The following SMYD3 variants were observed in gnomAD, a reference collection of about 807,000 sequenced individuals.
SMYD3 encodes the protein SET and MYND domain containing 3, also known as histone-lysine N-methyltransferase SMYD3.
SMYD3 carries 36 observed loss-of-function variants against 57.7 expected under a neutral mutation model. The ratio of observed to expected loss-of-function variants is 0.62; its 90% CI spans 0.48 to 0.82. The LOEUF (loss-of-function observed/expected upper bound fraction) is 0.82. Ranked by LOEUF, SMYD3 falls within the 40% of genes least tolerant of loss-of-function variation. SMYD3 has a pLI of 0.00. For missense variants in SMYD3, 515 were observed against 538.8 expected, an observed-to-expected ratio of 0.96 and a Z score of 0.44; for synonymous variants, 211 against 195.0, an observed-to-expected ratio of 1.08 and a Z score of -0.68.
intron 5 of SMYD3, among the ~76,000 whole-genome samples, chr1:246,225,853 T>C (rs1446543882): frequency 5.3e-5 from 8 of 152,188 alleles, no homozygotes; most frequent in African/African-American, 1.7e-4. Context: ...AATAGTAGCA[T>C]TCGGTAAATA....
chr1:246,485,300 C>T (rs2068169503), intron 1 of SMYD3, among the ~76,000 whole-genome samples: 1 of 152,326 alleles, frequency 6.6e-6, no homozygotes, highest in East Asian at 1.9e-4. Flanking sequence ...AAACATATCA[C>T]TTCAACCAAA....
chr1:245,904,679 A>C (rs1255746340), intron 8 of SMYD3, among the ~76,000 whole-genome samples: 1 of 152,102 alleles, frequency 6.6e-6, no homozygotes, highest in Non-Finnish European at 1.5e-5. Context: ...AACGACTGCA[A>C]CTCGTAGGCA....
At chr1:246,126,220 G>C (rs1276313870) in intron 5 of SMYD3, among the ~76,000 whole-genome samples, 1 of 152,154 alleles carries the variant, frequency 6.6e-6, no homozygotes, top group Non-Finnish European at 1.5e-5. Flanking sequence ...TCTCACTGGG[G>C]GTACTAGGGA....
intron 1 of SMYD3, among the ~76,000 whole-genome samples, chr1:246,370,045 G>A (rs138046479): frequency 2.6e-5 from 4 of 152,268 alleles, no homozygotes; most frequent in East Asian, 1.9e-4. Context: ...GTTAGAATCC[G>A]AGAGGCAGAC....
At chr1:245,765,049 C>T (rs1327730472) in intron 10 of SMYD3, among the ~76,000 whole-genome samples, 2 of 135,008 alleles carry the variant, frequency 1.5e-5, no homozygotes, top group South Asian at 2.2e-4. Flanking sequence ...AATGCCTACA[C>T]ACACACACAC....
At chr1:245,884,277 G>A (rs2052955839) in intron 8 of SMYD3, among the ~76,000 whole-genome samples, 1 of 152,178 alleles carries the variant, frequency 6.6e-6, no homozygotes, top group Non-Finnish European at 1.5e-5. Flanking sequence ...AATACCCGAG[G>A]TTCATTGTCT....
chr1:246,136,995 G>A (rs75516363), intron 5 of SMYD3, among the ~76,000 whole-genome samples: 3,067 of 152,278 alleles, frequency 0.02, 143 homozygotes, highest in East Asian at 0.15. Flanking sequence ...ACAGTAGGCA[G>A]AGGATAAGAA....
intron 10 of SMYD3, among the ~76,000 whole-genome samples, chr1:245,801,321 G>A (rs1287223541): frequency 6.6e-6 from 1 of 152,210 alleles, no homozygotes; most frequent in African/African-American, 2.4e-5. Flanking sequence ...ATTGTTAAGT[G>A]GTTGCAAACT....
intron 5 of SMYD3, among the ~76,000 whole-genome samples, chr1:246,245,627 T>C (rs1254937620): frequency 6.6e-6 from 1 of 152,128 alleles, no homozygotes; most frequent in Non-Finnish European, 1.5e-5. Context: ...AAATAACAGA[T>C]TTTTATCTAA....
At chr1:246,471,784 A>G (rs111518376) in intron 1 of SMYD3, among the ~76,000 whole-genome samples, 2,933 of 152,336 alleles carry the variant, frequency 0.019, 100 homozygotes, top group African/African-American at 0.066. Context: ...TTGCATAGAA[A>G]GAAGTTTGAT....
intron 5 of SMYD3, among the ~76,000 whole-genome samples, chr1:246,101,769 C>A (rs1182616421): frequency 2.0e-5 from 3 of 152,202 alleles, no homozygotes; most frequent in African/African-American, 7.2e-5. Flanking sequence ...CATCTTTTCA[C>A]TCTTCCCGGT....
Position 246,326,354 on chromosome 1 carries a change from C to A in SMYD3, c.531+847G>T, listed in dbSNP as rs559178946. 129 of 697,900 alleles carry A rather than the reference C, an allele frequency of 1.8e-4. No individual in the cohort carries two copies. In the African/African-American group the frequency reaches 1.9e-3, roughly 10 times the overall value. The allele number at this position is 697,900 out of a possible 1,614,324, so 43.2% of individuals were successfully genotyped here. A position where few individuals can be genotyped will look rare whatever the true frequency, so the allele number is the denominator to read the frequency against. ...GAGGGGGTGTTTCTGTCATCCCTAT[C>A]CCAGGGTAAATATCAAGAAGCAATC... On this transcript the variant is annotated intron_variant, in intron 5 of 11. Coordinates refer to ENST00000490107, the MANE Select transcript of SMYD3 (RefSeq NM_001167740.2).
intron 1 of SMYD3, among the ~76,000 whole-genome samples, chr1:246,475,114 CGT>C (rs1347596426): frequency 6.6e-6 from 1 of 151,882 alleles, no homozygotes; most frequent in Non-Finnish European, 1.5e-5. Flanking sequence ...GCCAGGAGTT[CGT>C]GACCACCCTG....
intron 5 of SMYD3, among the ~76,000 whole-genome samples, chr1:246,014,888 C>T (rs1374483495): frequency 6.6e-6 from 1 of 152,046 alleles, no homozygotes; most frequent in African/African-American, 2.4e-5. Context: ...CTTATCTGCC[C>T]AAACTCCCAG....
intron 5 of SMYD3, among the ~76,000 whole-genome samples, chr1:246,236,483 C>T (rs144734934): frequency 0.059 from 9,004 of 152,066 alleles, 434 homozygotes; most frequent in African/African-American, 0.12. Context: ...GGTGCGATCT[C>T]GGCTCACTGC....
intron 1 of SMYD3, among the ~76,000 whole-genome samples, chr1:246,359,429 A>G (rs2065955582): frequency 6.6e-6 from 1 of 152,184 alleles, no homozygotes; most frequent in South Asian, 2.1e-4. Flanking sequence ...ATTCCAGAGG[A>G]TAGAGAAAAA....
At chr1:245,937,413 A>G (rs983492052) in intron 5 of SMYD3, among the ~76,000 whole-genome samples, 5 of 151,910 alleles carry the variant, frequency 3.3e-5, no homozygotes, top group Non-Finnish European at 7.3e-5. Flanking sequence ...TATCCTTGCT[A>G]ATAGCAAAAT....
At chr1:246,272,099 T>C (rs1242070007) in intron 5 of SMYD3, among the ~76,000 whole-genome samples, 3 of 152,230 alleles carry the variant, frequency 2.0e-5, no homozygotes, top group African/African-American at 7.2e-5. Context: ...TGTTTGTGTA[T>C]AAAAATGCAA....
intron 5 of SMYD3, among the ~76,000 whole-genome samples, chr1:246,284,609 G>A (rs1296849870): frequency 1.3e-5 from 2 of 151,854 alleles, no homozygotes; most frequent in East Asian, 1.9e-4. Context: ...GTAGAGACGG[G>A]GTTTCACCAT....
Sources: gnomAD v4.1 joint callset for allele counts (sites outside exome capture counted in the v4.1 genomes callset) on GRCh38, gnomAD v4.1.1 for gene constraint, MANE v1.5 for transcripts, NCBI Gene and HGNC (gene_info 2026-07-23, HGNC 2026-07-21) for gene names.